The following LMNA variants were observed in gnomAD, a reference collection of about 807,000 sequenced individuals.
LMNA encodes the protein lamin.
Under a neutral mutation model 70.4 loss-of-function variants are expected in LMNA, and 20 were observed. That is an observed-to-expected ratio of 0.28 (90% CI 0.20 to 0.41). The LOEUF (loss-of-function observed/expected upper bound fraction) is 0.41. Ranked by LOEUF, LMNA falls within the 10% of genes least tolerant of loss-of-function variation. LMNA has a pLI of 1.00. For synonymous variants in LMNA, 339 were observed against 372.8 expected (o/e 0.91, Z 1.04); for missense variants, 652 against 917.2 (o/e 0.71, Z 3.73).
chr1:156,112,036 T>C (rs901559090), upstream of LMNA, among the ~76,000 whole-genome samples: 6 of 152,156 alleles, frequency 3.9e-5, no homozygotes, highest in Admixed American at 3.9e-4. Flanking sequence ...GCCATTTTGA[T>C]GGTGGTCGCA....
Position 156,134,489 on chromosome 1 carries a change from G to T in LMNA, c.600G>T (p.Met200Ile), listed in dbSNP as rs1323078472. The T allele has an allele frequency of 1.2e-6, 2 of 1,614,228 alleles. No individual in the cohort carries two copies. Among genetic ancestry groups the T allele is most frequent in the Non-Finnish European group, 1.7e-6 (2 of 1,180,048 alleles). ...ATGCTGAGAACAGGCTGCAGACCAT[G>T]AAGGAGGAACTGGACTTCCAGAAGA... is the stretch of plus-strand genomic sequence containing the variant. ...RVDAENRLQT[M>I]KEELDFQKNI... is the part of the protein sequence containing the mutation. Residue 200 changes from methionine to isoleucine, a missense_variant, in exon 3 of 12, where the codon ATG (methionine) becomes ATT (isoleucine). Met to Ile is a conservative substitution (Grantham distance 10). This residue lies in a region of LMNA where 254 missense variants were observed against 421.9 expected (regional missense o/e 0.60). Transcript: ENST00000368300. The surrounding 1 kb of genome is among the most constrained non-coding windows in gnomAD (Gnocchi z 5.3).
At chr1:156,084,337 G>A (rs781718865) in intron 2 of LMNA, among the ~76,000 whole-genome samples, 3 of 121,368 alleles carry the variant, frequency 2.5e-5, no homozygotes, top group Non-Finnish European at 5.3e-5. Flanking sequence ...TCGGGGGGTG[G>A]TGGGGGCAGT....
In LMNA at chr1:156,137,117, G is replaced by A. The variant is rs1227841531; in HGVS notation, c.1493G>A (p.Trp498Ter). Reference sequence around the variant, plus strand: ...GTGTCCTTTTCTCCTCTCCAGATCTGGGCTGCAGGAGCTGGGGCCACCCAC... The same window carrying A: ...GTGTCCTTTTCTCCTCTCCAGATCTAGGCTGCAGGAGCTGGGGCCACCCAC... The part of the protein sequence containing the change: ...TLKAGQVVTI[W>*]AAGAGATHSP... Residue 498 changes from tryptophan to a stop codon, truncating the protein, a stop_gained, in exon 9 of 12, where the codon TGG (tryptophan) becomes TAG (stop). Coordinates refer to ENST00000368300, the MANE Select transcript of LMNA (RefSeq NM_170707.4). LOFTEE classifies it high-confidence loss of function. The surrounding 1 kb of genome is among the most constrained non-coding windows in gnomAD (Gnocchi z 4.6). 6.2e-7 allele frequency: 1 copy of A among 1,613,774 alleles called. No individual in the cohort carries two copies. Among genetic ancestry groups the A allele is most frequent in the Non-Finnish European group, 8.5e-7 (1 of 1,179,896 alleles).
At chr1:156,131,278 T>A (rs2485669) in intron 2 of LMNA, among the ~76,000 whole-genome samples, 32,288 of 149,494 alleles carry the variant, frequency 0.22, 7,076 homozygotes, top group African/African-American at 0.57. Context: ...CTCAAAAAAA[T>A]AATAATAATA....
intron 1 of LMNA, among the ~76,000 whole-genome samples, chr1:156,124,841 T>TC (rs1246089090): frequency 6.6e-6 from 1 of 152,150 alleles, no homozygotes; most frequent in Non-Finnish European, 1.5e-5. Flanking sequence ...GGCCTCCGTA[T>TC]CACTCTCTGA....
chr1:156,134,043 G>A lies in LMNA; in HGVS notation c.514-360G>A, dbSNP rs1223941548. Among the ~76,000 whole-genome samples the A allele has an allele frequency of 6.6e-6, 1 of 152,170 alleles. No individual in the cohort carries two copies. The highest frequency in any genetic ancestry group is 2.4e-5 in the African/African-American group (1 of 41,444). ...ATATATCTTTTCTTTTTGAGACAGA[G>A]TCTAGCTGTGTCACCCAGGCTGGAG... On this transcript the variant is annotated intron_variant, in intron 2 of 11. Coordinates refer to ENST00000368300, the MANE Select transcript of LMNA (RefSeq NM_170707.4). This position sits in a 1 kb window ranked among gnomAD's most constrained non-coding sequence, Gnocchi z 5.3.
rs1443716251 is a variant in LMNA at position 156,115,852 on chromosome 1, G to GC, written c.356+585dup. ...TTTCCCTCCCAAGGGCTTGGCGGTG[G>GC]CCCCCCCTCAGCATGACCTTGTCCT... On this transcript the variant is annotated intron_variant, in intron 1 of 11. Coordinates refer to ENST00000368300, the MANE Select transcript of LMNA (RefSeq NM_170707.4). This position sits in a 1 kb window ranked among gnomAD's most constrained non-coding sequence, Gnocchi z 5.8. 2.6e-5 allele frequency among the ~76,000 whole-genome samples: 4 copies of GC among 152,172 alleles called. No individual in the cohort carries two copies. Among genetic ancestry groups the GC allele is most frequent in the African/African-American group, 7.2e-5 (3 of 41,432 alleles).
rs1572365626 is a variant in LMNA at position 156,136,953 on chromosome 1, C to G, written c.1413C>G (p.Arg471=). 7 of 1,614,134 alleles carry G rather than the reference C, an allele frequency of 4.3e-6. No individual in the cohort carries two copies. The highest frequency in any genetic ancestry group is 5.9e-6 in the Non-Finnish European group (7 of 1,180,012). Residue 471 remains arginine (R), a synonymous_variant, in exon 8 of 12, where the codon CGC becomes CGG. Coordinates refer to ENST00000368300, the MANE Select transcript of LMNA (RefSeq NM_170707.4). The surrounding 1 kb of genome is among the most constrained non-coding windows in gnomAD (Gnocchi z 6.1). ...CCATGGGCAATTGGCAGATCAAGCG[C>G]CAGAATGGAGATGATCCCTTGCTGA... ...DQSMGNWQIK[R]QNGDDPLLTY... is the part of the protein sequence containing the mutation.
Position 156,138,650 on chromosome 1 carries a change from A to ACGGTCACT in LMNA, c.1864_1871dup (p.Tyr626LeufsTer75), listed in dbSNP as rs1419064689. The ACGGTCACT allele has an allele frequency of 6.2e-7, 1 of 1,613,500 alleles. No homozygotes were observed. Among genetic ancestry groups the ACGGTCACT allele is most frequent in the South Asian group, 1.1e-5 (1 of 91,032 alleles). ...CTCTGGCTCTTCTGCCTCCAGTGTC[A>ACGGTCACT]CGGTCACTCGCAGCTACCGCAGTGT... On this transcript the variant is annotated frameshift_variant, in exon 11 of 12. Transcript: ENST00000368300. LOFTEE classifies it high-confidence loss of function. The surrounding 1 kb of genome is among the most constrained non-coding windows in gnomAD (Gnocchi z 5.5).
At chr1:156,125,299 T>C (rs1355387335) in intron 1 of LMNA, among the ~76,000 whole-genome samples, 14 of 152,026 alleles carry the variant, frequency 9.2e-5, no homozygotes, top group Admixed American at 8.5e-4. Flanking sequence ...TAGGAGGAGT[T>C]GCTGGAACAA....
At position 156,139,629 on chromosome 1, in the gene LMNA, G is replaced by C; in HGVS notation, c.*523G>C. ...AGGACAGCTTGAGCCGGGCCCCTGG[G>C]CTTGGCCTGCTGTGATTCCACTACA... On this transcript the variant is annotated 3_prime_UTR_variant, in exon 12 of 12. Transcript: ENST00000368300. 6.9e-7 allele frequency: 1 copy of C among 1,452,224 alleles called. No individual in the cohort carries two copies. Among genetic ancestry groups the C allele is most frequent in the Non-Finnish European group, 9.0e-7 (1 of 1,108,568 alleles). The allele number at this position is 1,452,224 out of a possible 1,614,324, so 90.0% of individuals were successfully genotyped here.
upstream of LMNA, among the ~76,000 whole-genome samples, chr1:156,111,137 C>A (rs534543853): frequency 1.3e-5 from 2 of 152,044 alleles, no homozygotes; most frequent in East Asian, 3.9e-4. Context: ...CCCACCCAAT[C>A]AAGGTCATTG....
In LMNA at chr1:156,115,981, G is replaced by T. The variant is rs1404940876; in HGVS notation, c.356+707G>T. Among the ~76,000 whole-genome samples, 2 of 152,202 alleles carry T rather than the reference G, an allele frequency of 1.3e-5. No individual in the cohort carries two copies. The highest frequency in any genetic ancestry group is 2.9e-5 in the Non-Finnish European group (2 of 68,042). ...ACCAAAAGAGCTCCGGGAGATGAGA[G>T]ATCGGCTCCCCCGCAGCTCCCACAG... On this transcript the variant is annotated intron_variant, in intron 1 of 11. Coordinates refer to ENST00000368300, the MANE Select transcript of LMNA (RefSeq NM_170707.4). The surrounding 1 kb of genome is among the most constrained non-coding windows in gnomAD (Gnocchi z 5.8).
intron 3 of LMNA, among the ~76,000 whole-genome samples, chr1:156,104,496 C>T (rs1020068191): frequency 2.0e-5 from 3 of 152,116 alleles, no homozygotes; most frequent in Non-Finnish European, 4.4e-5. Flanking sequence ...TCCTCACCCC[C>T]TCCCTCATGG....
At chr1:156,109,188 G>A (rs146284631) in intron 3 of LMNA, among the ~76,000 whole-genome samples, 2 of 152,250 alleles carry the variant, frequency 1.3e-5, no homozygotes, top group Non-Finnish European at 1.5e-5. Flanking sequence ...TTCCCTACAC[G>A]AATGGTTCTT....
At position 156,097,421 on chromosome 1, in the gene LMNA, T is replaced by G. The variant is rs1040424118; in HGVS notation, c.-207+6839T>G. Among the ~76,000 whole-genome samples the G allele has an allele frequency of 2.6e-5, 4 of 152,378 alleles. No homozygotes were observed. The East Asian group carries it at 7.7e-4, about 29-fold the overall frequency. On this transcript the variant is annotated intron_variant, in intron 3 of 12. Coordinates refer to the LMNA transcript ENST00000368301. ...CAGGGAAACTGAGGGATGGCAGAAC[T>G]GAGCCCCAATAAGGGGCAGGCGCTT...
At chr1:156,107,795 G>GTT (rs111772070) in intron 3 of LMNA, among the ~76,000 whole-genome samples, 1 of 147,962 alleles carries the variant, frequency 6.8e-6, no homozygotes, top group Non-Finnish European at 1.5e-5. Context: ...TTGGGTTGTT[G>GTT]TTTTTTTTTT....
Position 156,139,829 on chromosome 1 carries a change from G to T in LMNA, c.*723G>T. 6.6e-7 allele frequency: 1 copy of T among 1,524,762 alleles called. No individual in the cohort carries two copies. Among genetic ancestry groups the T allele is most frequent in the Non-Finnish European group, 8.8e-7 (1 of 1,141,386 alleles). 94.5% of individuals were successfully genotyped at this position (1,524,762 alleles called of 1,614,324 possible). ...GGGAGAAGAAAGGTGAGTTTGAGCT[G>T]CCTTCCCTAGCTTTAGACCCTGGGT... On this transcript the variant is annotated 3_prime_UTR_variant, in exon 12 of 12. Coordinates refer to ENST00000368300, the MANE Select transcript of LMNA (RefSeq NM_170707.4).
At chr1:156,130,580 T>C (rs1294550815) in intron 1 of LMNA, 37 bp from the exon 2 acceptor site, 2 of 1,611,516 alleles carry the variant, frequency 1.2e-6, no homozygotes, top group Admixed American at 3.3e-5. Flanking sequence ...GCACACAGAC[T>C]CCTTCTCTTA....
Sources: gnomAD v4.1 joint callset for allele counts (sites outside exome capture counted in the v4.1 genomes callset) on GRCh38, gnomAD v4.1.1 for gene constraint, gnomAD v4.1.1 regional missense constraint, Gnocchi (gnomAD v3.1) non-coding constraint, MANE v1.5 for transcripts, NCBI Gene and HGNC (gene_info 2026-07-23, HGNC 2026-07-21) for gene names.